Variants in CNTNAP5 observed in about 807,000 individuals in gnomAD.
CNTNAP5 encodes the protein contactin associated protein family member 5.
CNTNAP5 carries 72 observed loss-of-function variants against 150.2 expected under a neutral mutation model. That is an observed-to-expected ratio of 0.48 (90% confidence interval 0.40 to 0.58). CNTNAP5 has a LOEUF of 0.58. CNTNAP5 is among the 20% of genes least tolerant of loss of function. The probability of loss-of-function intolerance (pLI) is 0.00; values close to 1 mark genes in which losing one functional copy is unlikely to be tolerated. For missense variants in CNTNAP5, 1,636 were observed against 1,626.2 expected (o/e 1.01, Z -0.10); for synonymous variants, 672 against 619.8 (o/e 1.08, Z -1.25).
chr2:124,415,708 A>G (rs1019213324), intron 3 of CNTNAP5, among the ~76,000 whole-genome samples: 1 of 152,196 alleles, frequency 6.6e-6, no homozygotes, highest in Non-Finnish European at 1.5e-5. Flanking sequence ...CTGACATCCC[A>G]TCTTAAAGAT....
chr2:124,598,865 G>A (rs901442232), intron 11 of CNTNAP5, among the ~76,000 whole-genome samples: 11 of 152,240 alleles, frequency 7.2e-5, no homozygotes, highest in African/African-American at 2.4e-4. Context: ...TTTTTAAGCC[G>A]GTCTGAAAAG....
intron 16 of CNTNAP5, among the ~76,000 whole-genome samples, chr2:124,771,916 A>AC (rs900027574): frequency 6.7e-6 from 1 of 149,466 alleles, no homozygotes. Context: ...TATCACCATT[A>AC]CCCCCCTCAC....
chr2:124,879,884 C>T lies in CNTNAP5; in HGVS notation c.3436+10122C>T, dbSNP rs1467559003. Among the ~76,000 whole-genome samples the T allele has an allele frequency of 3.9e-5, 6 of 152,026 alleles. No individual in the cohort carries two copies. In the East Asian group the frequency reaches 1.2e-3, roughly 29 times the overall value. The stretch of plus-strand genomic sequence containing the variant: ...GGTAATGAAGTAAAAAGGATCCAAG[C>T]TAAGAGTAATGAACTCCCTGCGGCG... On this transcript the variant is annotated intron_variant, in intron 21 of 23. Transcript: ENST00000682447.
intron 12 of CNTNAP5, among the ~76,000 whole-genome samples, chr2:124,621,586 G>T (rs1227126616): frequency 6.6e-6 from 1 of 152,180 alleles, no homozygotes; most frequent in African/African-American, 2.4e-5. Context: ...ACATAATTGT[G>T]CAGTGTGATT....
At chr2:124,071,673 T>C (rs2104664958) in intron 1 of CNTNAP5, among the ~76,000 whole-genome samples, 1 of 151,712 alleles carries the variant, frequency 6.6e-6, no homozygotes, top group Admixed American at 6.6e-5. Context: ...GAATCCAAAA[T>C]CTGAAAATCT....
At chr2:124,597,927 T>C (rs984105306) in intron 11 of CNTNAP5, among the ~76,000 whole-genome samples, 3 of 133,916 alleles carry the variant, frequency 2.2e-5, no homozygotes, top group African/African-American at 8.2e-5. Context: ...TTCTTCCAGT[T>C]GATCGCATCG....
At chr2:124,549,586 G>T (rs2104915258) in intron 10 of CNTNAP5, among the ~76,000 whole-genome samples, 1 of 152,240 alleles carries the variant, frequency 6.6e-6, no homozygotes, top group African/African-American at 2.4e-5. Context: ...GTTCTGGTTT[G>T]GTTGCTAAAT....
Position 124,676,497 on chromosome 2 carries a change from C to T in CNTNAP5, c.2077+28539C>T, listed in dbSNP as rs76047229. Among the ~76,000 whole-genome samples, 341 of 152,344 alleles carry T rather than the reference C, an allele frequency of 2.2e-3. 1 individual carries two copies. Among genetic ancestry groups the T allele is most frequent in the African/African-American group, 7.6e-3 (318 of 41,580 alleles). ...CAGATGTGATATTAAACAATTGTCA[C>T]TGAAAGATTTCAACAAATGCTATGG... On this transcript the variant is annotated intron_variant, in intron 13 of 23. Transcript: ENST00000682447.
chr2:124,570,221 A>G (rs1174730533), intron 11 of CNTNAP5, among the ~76,000 whole-genome samples: 1 of 152,212 alleles, frequency 6.6e-6, no homozygotes, highest in East Asian at 1.9e-4. Context: ...GCACATAACA[A>G]TGTCAAGTTA....
At chr2:124,117,796 T>G (rs893518111) in intron 1 of CNTNAP5, among the ~76,000 whole-genome samples, 1 of 152,174 alleles carries the variant, frequency 6.6e-6, no homozygotes, top group African/African-American at 2.4e-5. Context: ...CAGAATTTGT[T>G]AAAATGTAAC....
intron 1 of CNTNAP5, among the ~76,000 whole-genome samples, chr2:124,220,598 C>A (rs1686279490): frequency 6.6e-6 from 1 of 152,022 alleles, no homozygotes; most frequent in Non-Finnish European, 1.5e-5. Context: ...TGAGACTGAG[C>A]AATTTATAAG....
At chr2:124,295,052 G>T (rs113267780) in intron 3 of CNTNAP5, among the ~76,000 whole-genome samples, 3,403 of 152,112 alleles carry the variant, frequency 0.022, 126 homozygotes, top group African/African-American at 0.076. Context: ...GTTGTAGTGA[G>T]CGGAGATCCT....
chr2:124,367,346 A>G (rs1372313215), intron 3 of CNTNAP5, among the ~76,000 whole-genome samples: 1 of 152,314 alleles, frequency 6.6e-6, no homozygotes, highest in South Asian at 2.1e-4. Flanking sequence ...CAGGAAACTT[A>G]CAATTATGGT....
At chr2:124,793,193 C>T (rs905677188) in intron 18 of CNTNAP5, among the ~76,000 whole-genome samples, 2 of 152,132 alleles carry the variant, frequency 1.3e-5, no homozygotes, top group African/African-American at 4.8e-5. Context: ...CTTGCCAACA[C>T]TTTTTATTGT....
At chr2:124,330,886 CA>C (rs200088227) in intron 3 of CNTNAP5, among the ~76,000 whole-genome samples, 1,561 of 152,154 alleles carry the variant, frequency 0.01, 36 homozygotes, top group African/African-American at 0.036. Flanking sequence ...TAAAAAGAAT[CA>C]GCAACGTTTC....
At chr2:124,867,438 C>T (rs1300348858) in intron 20 of CNTNAP5, among the ~76,000 whole-genome samples, 1 of 152,194 alleles carries the variant, frequency 6.6e-6, no homozygotes, top group Admixed American at 6.5e-5. Context: ...CTCAAGGCAT[C>T]ATTGTGCTTA....
intron 21 of CNTNAP5, among the ~76,000 whole-genome samples, chr2:124,896,070 T>G (rs1678297959): frequency 6.6e-6 from 1 of 151,556 alleles, no homozygotes; most frequent in Non-Finnish European, 1.5e-5. Flanking sequence ...CATTTAGTTT[T>G]AGGTATCAAA....
intron 2 of CNTNAP5, among the ~76,000 whole-genome samples, chr2:124,234,898 C>T (rs189399629): frequency 6.6e-6 from 1 of 152,306 alleles, no homozygotes; most frequent in East Asian, 1.9e-4. Flanking sequence ...GCCAGGTTCA[C>T]ACACTGTCTC....
chr2:124,517,912 G>C (rs954109260), intron 8 of CNTNAP5, among the ~76,000 whole-genome samples: 2 of 151,410 alleles, frequency 1.3e-5, no homozygotes, highest in Non-Finnish European at 2.9e-5. Context: ...TGGTGAAGAG[G>C]GGTTGTGGTG....
Sources: gnomAD v4.1 joint callset for allele counts (sites outside exome capture counted in the v4.1 genomes callset) on GRCh38, gnomAD v4.1.1 for gene constraint, MANE v1.5 for transcripts, NCBI Gene and HGNC (gene_info 2026-07-23, HGNC 2026-07-21) for gene names.